GPR89B: variants seen among roughly 807,000 people sequenced by gnomAD.
GPR89B encodes golgi pH regulator B.
Under a neutral mutation model 52.4 loss-of-function variants are expected in GPR89B, and 25 were observed. That is an observed-to-expected ratio of 0.48 (90% confidence interval 0.35 to 0.67). GPR89B has a LOEUF of 0.67. Ranked by LOEUF, GPR89B falls within the 30% of genes least tolerant of loss-of-function variation. GPR89B has a pLI of 0.01. For synonymous variants in GPR89B, 52 were observed against 151.2 expected, an observed-to-expected ratio of 0.34 and a Z score of 4.81; for missense variants, 146 against 450.2, an observed-to-expected ratio of 0.32 and a Z score of 6.11.
At chr1:147,950,217 C>T (rs1173443131) in intron 5 of GPR89B, among the ~76,000 whole-genome samples, 10 of 148,780 alleles carry the variant, frequency 6.7e-5, no homozygotes, top group South Asian at 6.4e-4. Flanking sequence ...ACTTCTCAGA[C>T]GGGGCGGCTG....
chr1:147,944,853 G>C (rs1172632874), intron 5 of GPR89B, among the ~76,000 whole-genome samples: 1 of 150,404 alleles, frequency 6.6e-6, no homozygotes, highest in African/African-American at 2.4e-5. Flanking sequence ...GAGCCCATCT[G>C]TAATAAATAT....
chr1:148,018,682 T>C, the GPR89B span, among the ~76,000 whole-genome samples: 1 of 151,788 alleles, frequency 6.6e-6, no homozygotes, highest in Admixed American at 6.5e-5. Context: ...TTATTATTAT[T>C]TGAGACAGAG....
chr1:147,981,239 A>G (rs1234027085), intron 10 of GPR89B, among the ~76,000 whole-genome samples: 17 of 147,020 alleles, frequency 1.2e-4, no homozygotes, highest in African/African-American at 4.3e-4. Context: ...AGGCTGAGGC[A>G]GGAGGATCAC....
At chr1:147,999,664 C>G in the GPR89B span, among the ~76,000 whole-genome samples, 2 of 150,642 alleles carry the variant, frequency 1.3e-5, no homozygotes, top group Admixed American at 6.6e-5. Context: ...AAGATGCCCT[C>G]TTCTCCAAAG....
intron 12 of GPR89B, among the ~76,000 whole-genome samples, chr1:147,991,937 GGAT>G (rs1659100866): frequency 6.6e-6 from 1 of 151,918 alleles, no homozygotes; most frequent in South Asian, 2.1e-4. Context: ...TTTGGTATCA[GGAT>G]GATACCCTAA....
At chr1:147,980,570 T>C (rs1658162641) in intron 10 of GPR89B, among the ~76,000 whole-genome samples, 1 of 141,188 alleles carries the variant, frequency 7.1e-6, no homozygotes, top group Non-Finnish European at 1.5e-5. Flanking sequence ...ATAATTCACA[T>C]ACAATACAAT....
chr1:148,012,903 T>C, the GPR89B span, among the ~76,000 whole-genome samples: 2 of 152,062 alleles, frequency 1.3e-5, no homozygotes, highest in Admixed American at 6.5e-5. Flanking sequence ...GAATACACTC[T>C]GCAGCATTAT....
At chr1:147,961,494 A>G (rs1656562762) in intron 7 of GPR89B, among the ~76,000 whole-genome samples, 1 of 152,268 alleles carries the variant, frequency 6.6e-6, no homozygotes, top group African/African-American at 2.4e-5. Flanking sequence ...AACATTGTAG[A>G]ATACCAAATG....
the GPR89B span, among the ~76,000 whole-genome samples, chr1:148,004,886 AAC>A: frequency 0.2 from 22,520 of 111,216 alleles, 2,738 homozygotes; most frequent in Non-Finnish European, 0.27. Context: ...ATCTCTACAA[AAC>A]ACACACACAC....
At chr1:148,021,610 G>T in the GPR89B span, among the ~76,000 whole-genome samples, 1 of 151,678 alleles carries the variant, frequency 6.6e-6, no homozygotes, top group Non-Finnish European at 1.5e-5. Context: ...GGGGAGCTGC[G>T]GAGAGGGGCC....
chr1:147,964,117 C>T (rs1292021662), intron 7 of GPR89B, among the ~76,000 whole-genome samples: 1 of 151,808 alleles, frequency 6.6e-6, no homozygotes, highest in Non-Finnish European at 1.5e-5. Flanking sequence ...CTATCAATGT[C>T]AGTATCCTGG....
intron 8 of GPR89B, chr1:147,968,501 G>C: frequency 8.0e-6 from 3 of 375,650 alleles, no homozygotes; most frequent in South Asian, 6.3e-5. Context: ...ATTATATTCA[G>C]ATAATGTAGG....
intron 7 of GPR89B, among the ~76,000 whole-genome samples, chr1:147,954,853 TAAATC>T (rs1404049629): frequency 1.3e-5 from 2 of 152,066 alleles, no homozygotes; most frequent in Non-Finnish European, 2.9e-5. Context: ...GTGGAATAAT[TAAATC>T]AAGCTAATTA....
At chr1:148,009,401 C>A in the GPR89B span, 2 of 1,611,944 alleles carry the variant, frequency 1.2e-6, no homozygotes, top group Admixed American at 1.7e-5. Context: ...GATAGCAGAG[C>A]CGGGGCTGGG....
At chr1:148,005,822 G>A in the GPR89B span, among the ~76,000 whole-genome samples, 1 of 151,854 alleles carries the variant, frequency 6.6e-6, no homozygotes, top group African/African-American at 2.4e-5. Flanking sequence ...ATGTTTTGTG[G>A]CTGTCCAAGA....
chr1:148,010,694 GC>G, the GPR89B span: 1 of 152,192 alleles, frequency 6.6e-6, no homozygotes, highest in Non-Finnish European at 1.5e-5. Context: ...GCATGGGTTG[GC>G]AAAAAGATTA....
intron 12 of GPR89B, among the ~76,000 whole-genome samples, chr1:147,990,395 G>A (rs1329021045): frequency 2.6e-5 from 4 of 152,090 alleles, no homozygotes; most frequent in African/African-American, 9.7e-5. Context: ...CCATTCTGTA[G>A]GTTGCCTGTT....
At position 147,962,439 on chromosome 1, in the gene GPR89B, A is replaced by G. The variant is rs1323308114; in HGVS notation, c.618-4115A>G. 3.3e-5 allele frequency among the ~76,000 whole-genome samples: 5 copies of G among 149,764 alleles called. No individual in the cohort carries two copies. In the East Asian group the frequency reaches 9.7e-4, roughly 29 times the overall value. On this transcript the variant is annotated intron_variant, in intron 7 of 13. Coordinates refer to ENST00000314163, the MANE Select transcript of GPR89B (RefSeq NM_016334.5). ...ACTCTGTCTCAAAAAAAAAAAAAAAAGAAAAGAAAAGAAATACTGACACAA... is the reference window on the plus strand; with the variant it reads ...ACTCTGTCTCAAAAAAAAAAAAAAAGGAAAAGAAAAGAAATACTGACACAA...
At chr1:147,970,082 C>G in intron 10 of GPR89B, 123 bp downstream of exon 10, 1 of 889,298 alleles carries the variant, frequency 1.1e-6, no homozygotes, top group Non-Finnish European at 1.7e-6. Context: ...CAACAGAGAG[C>G]ATGATCTTCC....
Sources: allele counts gnomAD v4.1 joint callset (sites outside exome capture counted in the v4.1 genomes callset), GRCh38; gene constraint gnomAD v4.1.1; transcripts MANE v1.5; gene names NCBI Gene and HGNC (gene_info 2026-07-23, HGNC 2026-07-21).